Variants in HMBOX1 observed in about 807,000 individuals in gnomAD.
The protein encoded by HMBOX1 is homeobox-containing protein 1.
Under a neutral mutation model 54.5 loss-of-function variants are expected in HMBOX1, and 14 were observed. That is an observed-to-expected ratio of 0.26 (90% CI 0.17 to 0.40). The LOEUF (loss-of-function observed/expected upper bound fraction) is 0.40. Among genes scored for constraint, HMBOX1 ranks in the 10% least tolerant of loss-of-function variants. The pLI is 1.00. For missense variants in HMBOX1, 332 were observed against 514.4 expected, an observed-to-expected ratio of 0.65 and a Z score of 3.43; for synonymous variants, 160 against 181.0, an observed-to-expected ratio of 0.88 and a Z score of 0.93.
chr8:28,925,807 T>G (rs1022255139), intron 1 of HMBOX1, among the ~76,000 whole-genome samples: 2 of 152,156 alleles, frequency 1.3e-5, no homozygotes, highest in African/African-American at 4.8e-5. Context: ...GTATTAAAAA[T>G]AATATAAAAG....
chr8:29,031,240 T>C (rs1802916747), intron 6 of HMBOX1, among the ~76,000 whole-genome samples: 1 of 152,242 alleles, frequency 6.6e-6, no homozygotes, highest in African/African-American at 2.4e-5. Context: ...TGGTTATATT[T>C]GGATAGGAAA....
intron 1 of HMBOX1, among the ~76,000 whole-genome samples, chr8:28,911,335 T>TTACTGCTGCTGGCACCACTGAA (rs1316796055): frequency 5.9e-5 from 9 of 152,226 alleles, no homozygotes; most frequent in Admixed American, 4.6e-4. Context: ...TGTTGCTTGC[T>TTACTGCTGCTGGCACCACTGAA]TACTGCTGCT....
intron 2 of HMBOX1, among the ~76,000 whole-genome samples, chr8:28,965,772 CT>C (rs998253225): frequency 5.3e-5 from 8 of 152,140 alleles, no homozygotes; most frequent in South Asian, 2.1e-4. Flanking sequence ...CCCAAAGTGT[CT>C]GTTAAGCTCT....
At chr8:28,903,619 T>C (rs917850722) in intron 1 of HMBOX1, among the ~76,000 whole-genome samples, 29 of 152,200 alleles carry the variant, frequency 1.9e-4, no homozygotes, top group Admixed American at 7.2e-4. Flanking sequence ...TACAAAGATA[T>C]CTCATTTGGC....
chr8:28,945,414 C>T (rs537954183), intron 1 of HMBOX1, among the ~76,000 whole-genome samples: 26 of 152,306 alleles, frequency 1.7e-4, no homozygotes, highest in Non-Finnish European at 3.4e-4. Flanking sequence ...TATCCAACTC[C>T]AAGTTTTTCA....
chr8:28,953,366 G>A (rs902262040), intron 1 of HMBOX1, among the ~76,000 whole-genome samples: 1 of 152,070 alleles, frequency 6.6e-6, no homozygotes. Context: ...TGTTTGGCAT[G>A]AGTGCAACAC....
intron 1 of HMBOX1, among the ~76,000 whole-genome samples, chr8:28,929,733 A>C (rs1054479649): frequency 6.6e-6 from 1 of 152,134 alleles, no homozygotes; most frequent in African/African-American, 2.4e-5. Flanking sequence ...TGGAGCTCAC[A>C]GGAAATTTCC....
chr8:29,038,162 TTGAAA>T (rs1586645757), intron 6 of HMBOX1, among the ~76,000 whole-genome samples: 2 of 152,160 alleles, frequency 1.3e-5, no homozygotes, highest in Admixed American at 1.3e-4. Context: ...TTCAGTGTTA[TTGAAA>T]TGAAAGTGGT....
At chr8:29,047,545 C>G in intron 8 of HMBOX1, 92 bp downstream of exon 8, 1 of 573,118 alleles carries the variant, frequency 1.7e-6, no homozygotes, top group South Asian at 2.1e-5. Context: ...AACTGCAAGT[C>G]TAAAGGATCC....
rs746872289 is a variant in HMBOX1 at position 28,896,608 on chromosome 8, C to T, written c.-58+5930C>T. 2.7e-5 allele frequency among the ~76,000 whole-genome samples: 4 copies of T among 148,746 alleles called. 1 individual carries two copies. The highest frequency in any genetic ancestry group is 6.1e-5 in the Non-Finnish European group (4 of 66,108). On this transcript the variant is annotated intron_variant, in intron 1 of 9. Transcript: ENST00000287701. ...CGGACTGAATATATGACAGTGGTCC[C>T]ATAAGATTATATCATATTTTAACTG... is the stretch of plus-strand genomic sequence containing the variant.
intron 5 of HMBOX1, among the ~76,000 whole-genome samples, chr8:29,013,892 C>T (rs1340878254): frequency 6.6e-6 from 1 of 152,094 alleles, no homozygotes; most frequent in East Asian, 1.9e-4. Context: ...CTGCATGCTT[C>T]TAAACAATTA....
intron 5 of HMBOX1, 73 bp from the exon 6 acceptor site, chr8:29,018,687 C>G: frequency 7.0e-7 from 1 of 1,432,888 alleles, no homozygotes; most frequent in Non-Finnish European, 9.6e-7. Context: ...TTCCCTAGTC[C>G]CATAGGAAGT....
At chr8:29,049,283 A>G in intron 9 of HMBOX1, 1 of 1,535,672 alleles carries the variant, frequency 6.5e-7, no homozygotes, top group Non-Finnish European at 8.7e-7. Context: ...TTATTGTCAT[A>G]CAACAGGATA....
At chr8:29,021,887 A>AATTG (rs1225242450) in intron 6 of HMBOX1, among the ~76,000 whole-genome samples, 2 of 151,042 alleles carry the variant, frequency 1.3e-5, no homozygotes, top group Non-Finnish European at 2.9e-5. Flanking sequence ...TGCTCAATCT[A>AATTG]ATTGATAGTA....
At chr8:28,958,452 C>T (rs993676548) in intron 1 of HMBOX1, among the ~76,000 whole-genome samples, 1 of 152,124 alleles carries the variant, frequency 6.6e-6, no homozygotes, top group Non-Finnish European at 1.5e-5. Flanking sequence ...GGGCTTCTCA[C>T]TCTAATTCCT....
intron 4 of HMBOX1, among the ~76,000 whole-genome samples, chr8:28,998,603 T>G (rs1832194623): frequency 6.6e-6 from 1 of 152,134 alleles, no homozygotes; most frequent in African/African-American, 2.4e-5. Context: ...AATCTCTGTC[T>G]TCTTATTGGA....
chr8:29,000,480 G>A (rs1832484483), intron 4 of HMBOX1, among the ~76,000 whole-genome samples: 1 of 152,218 alleles, frequency 6.6e-6, no homozygotes, highest in Non-Finnish European at 1.5e-5. Flanking sequence ...CTTCTCTGTT[G>A]AAATATTTTG....
intron 4 of HMBOX1, among the ~76,000 whole-genome samples, chr8:28,983,342 C>T (rs1829700127): frequency 6.6e-6 from 1 of 152,324 alleles, no homozygotes; most frequent in East Asian, 1.9e-4. Context: ...CACTATTTGC[C>T]ATTCCCAGAA....
At chr8:28,952,754 G>A (rs971495317) in intron 1 of HMBOX1, among the ~76,000 whole-genome samples, 4 of 152,176 alleles carry the variant, frequency 2.6e-5, no homozygotes, top group African/African-American at 9.7e-5. Context: ...GGCTACACGA[G>A]TATCTATAGG....
Sources: allele counts gnomAD v4.1 joint callset (sites outside exome capture counted in the v4.1 genomes callset), GRCh38; gene constraint gnomAD v4.1.1; transcripts MANE v1.5; gene names NCBI Gene and HGNC (gene_info 2026-07-23, HGNC 2026-07-21).